Variants in ZNF320 observed in about 807,000 individuals in gnomAD.
ZNF320 encodes the protein zinc finger gene 320.
In ZNF320, 2 loss-of-function variants were observed where a neutral mutation model predicts 6.8. The ratio of observed to expected loss-of-function variants is 0.29; its 90% CI spans 0.12 to 0.93. The LOEUF (loss-of-function observed/expected upper bound fraction) is 0.93, where lower values mean the gene tolerates loss of function less well. Among genes scored for constraint, ZNF320 ranks in the 40% least tolerant of loss-of-function variants. ZNF320 has a pLI of 0.55. For synonymous variants in ZNF320, 208 were observed against 203.2 expected, an observed-to-expected ratio of 1.02 and a Z score of -0.20; for missense variants, 472 against 611.0, an observed-to-expected ratio of 0.77 and a Z score of 2.40.
chr19:52,903,426 C>T, the ZNF320 span, among the ~76,000 whole-genome samples: 10 of 149,908 alleles, frequency 6.7e-5, no homozygotes, highest in South Asian at 2.1e-4. Context: ...CTGTGGGGGG[C>T]GGGGGGAGGA....
chr19:52,863,960 G>C (rs139490555), exon 6 of ZNF320: 1 of 427,596 alleles, frequency 2.3e-6, no homozygotes, highest in East Asian at 6.8e-5. Flanking sequence ...AATCACAAAA[G>C]AGAATACAAA....
chr19:52,868,787 G>A (rs924470441), intron 5 of ZNF320, among the ~76,000 whole-genome samples: 14 of 152,152 alleles, frequency 9.2e-5, no homozygotes, highest in Admixed American at 6.5e-4. Flanking sequence ...GGACACAAGC[G>A]CTGAGCTGCG....
At chr19:52,866,642 G>A (rs1235521971) in intron 5 of ZNF320, among the ~76,000 whole-genome samples, 2 of 152,118 alleles carry the variant, frequency 1.3e-5, no homozygotes, top group African/African-American at 4.8e-5. Flanking sequence ...AGGCCAAGGA[G>A]GGAGGATCAC....
At chr19:52,871,024 G>C (rs1278263545) in intron 5 of ZNF320, among the ~76,000 whole-genome samples, 2 of 151,930 alleles carry the variant, frequency 1.3e-5, no homozygotes, top group African/African-American at 4.8e-5. Context: ...GCACATGCCT[G>C]TAATCCCAGC....
intron 5 of ZNF320, among the ~76,000 whole-genome samples, chr19:52,870,664 G>T (rs2063665025): frequency 1.3e-5 from 2 of 151,978 alleles, no homozygotes; most frequent in South Asian, 4.2e-4. Context: ...TACTCGAGGT[G>T]CTCAGGCAAA....
chr19:52,880,908 A>C lies in ZNF320; in HGVS notation c.1218T>G (p.Leu406=). The C allele has an allele frequency of 6.2e-7, 1 of 1,613,378 alleles. No homozygotes were observed. The highest frequency in any genetic ancestry group is 8.5e-7 in the Non-Finnish European group (1 of 1,179,448). The change falls in exon 6 of 6, where the codon CTT becomes CTG. Residue 406 remains leucine, a synonymous_variant. Transcript: ENST00000682928. ...TKAYLACHQK[L]HTGEKLYECE... is the part of the protein sequence containing the mutation. ...ATTCGTAAAGTTTCTCTCCAGTATG[A>C]AGTTTTTGATGACATGCGAGGTACG... is the stretch of plus-strand genomic sequence containing the variant.
At chr19:52,864,993 A>G (rs951798465) in intron 5 of ZNF320, among the ~76,000 whole-genome samples, 1 of 151,896 alleles carries the variant, frequency 6.6e-6, no homozygotes, top group Non-Finnish European at 1.5e-5. Context: ...AGCCTGGGTG[A>G]TAGAGCGAGA....
At chr19:52,874,541 A>C (rs1220978651), downstream of ZNF320, among the ~76,000 whole-genome samples, 1 of 152,216 alleles carries the variant, frequency 6.6e-6, no homozygotes, top group Non-Finnish European at 1.5e-5. Flanking sequence ...ATGTATTTGC[A>C]AAATGCCTGA....
chr19:52,880,924 G>A lies in ZNF320; in HGVS notation c.1202C>T (p.Ala401Val), dbSNP rs748325945. The stretch of plus-strand genomic sequence containing the variant: ...TCCAGTATGAAGTTTTTGATGACAT[G>A]CGAGGTACGCTTTTGTACTAAAAAC... ...GKVFSTKAYLACHQKLHTGEK... is the reference protein window; with the variant it reads ...GKVFSTKAYLVCHQKLHTGEK... Residue 401 changes from alanine to valine, a missense_variant, in exon 6 of 6, where the codon GCA (alanine) becomes GTA (valine). Around this residue, in one of 2 missense-constraint regions of ZNF320, gnomAD observed 462 missense variants for 559.7 expected, o/e 0.83. Coordinates refer to ENST00000682928, the MANE Select transcript of ZNF320 (RefSeq NM_001351774.2). 1.9e-6 allele frequency: 3 copies of A among 1,613,376 alleles called. No individual in the cohort carries two copies. Among genetic ancestry groups the A allele is most frequent in the African/African-American group, 1.3e-5 (1 of 74,962 alleles).
chr19:52,866,021 C>CAT (rs1474847907), intron 5 of ZNF320, among the ~76,000 whole-genome samples: 4 of 106,518 alleles, frequency 3.8e-5, no homozygotes, highest in African/African-American at 7.8e-5. Context: ...ATATATTATA[C>CAT]ATATTTATAT....
At position 52,893,732 on chromosome 19, in the gene ZNF320, G is replaced by T. The variant is rs539442983; in HGVS notation, c.-192+47C>A. 4 of 152,264 alleles carry T rather than the reference G, an allele frequency of 2.6e-5. No individual in the cohort carries two copies. The East Asian group carries it at 7.7e-4, about 29-fold the overall frequency. 9.4% of individuals were successfully genotyped at this position (152,264 alleles called of 1,614,324 possible). A position where few individuals can be genotyped will look rare whatever the true frequency, so the allele number is the denominator to read the frequency against. ...ACACACTTAAATTAACTTGCGTTCA[G>T]AAGGTATAAGCAAAAACCTGGAGAG... On this transcript the variant is annotated intron_variant, in intron 2 of 5. Coordinates refer to ENST00000682928, the MANE Select transcript of ZNF320 (RefSeq NM_001351774.2).
intron 1 of ZNF320, among the ~76,000 whole-genome samples, chr19:52,894,455 A>C (rs1353427426): frequency 6.6e-6 from 1 of 152,140 alleles, no homozygotes; most frequent in Admixed American, 6.5e-5. Flanking sequence ...AGCAAAAGGA[A>C]TGTCTCTCTC....
intron 5 of ZNF320, among the ~76,000 whole-genome samples, chr19:52,884,263 C>T (rs560737149): frequency 2.0e-5 from 3 of 152,236 alleles, no homozygotes; most frequent in African/African-American, 4.8e-5. Flanking sequence ...TTCTTCAGAT[C>T]GAGTCACGCT....
upstream of ZNF320, among the ~76,000 whole-genome samples, chr19:52,897,907 A>G (rs1054679200): frequency 3.3e-5 from 5 of 152,150 alleles, no homozygotes; most frequent in Non-Finnish European, 7.4e-5. Flanking sequence ...GCTTTCCTCC[A>G]TCTCGCTCTC....
chr19:52,865,508 ATTTATATATT>A, intron 5 of ZNF320: 4 of 137,702 alleles, frequency 2.9e-5, no homozygotes, highest in African/African-American at 1.1e-4. Flanking sequence ...ATACATATAT[ATTTATATATT>A]ATACATATAT....
At chr19:52,869,870 C>T (rs1287973884) in intron 5 of ZNF320, among the ~76,000 whole-genome samples, 1 of 152,050 alleles carries the variant, frequency 6.6e-6, no homozygotes, top group Non-Finnish European at 1.5e-5. Flanking sequence ...CACCCGCCAC[C>T]ACATCTGGCT....
At chr19:52,898,632 C>A (rs1375702446), upstream of ZNF320, among the ~76,000 whole-genome samples, 1 of 152,154 alleles carries the variant, frequency 6.6e-6, no homozygotes, top group African/African-American at 2.4e-5. Flanking sequence ...ATCCGAGCTC[C>A]CTGAATGCAC....
At chr19:52,901,914 A>T (rs1159770889), upstream of ZNF320, among the ~76,000 whole-genome samples, 2 of 147,854 alleles carry the variant, frequency 1.4e-5, no homozygotes, top group African/African-American at 2.5e-5. Flanking sequence ...TTCAACTGCC[A>T]TTTTTTTTTT....
rs1026728860 is a variant in ZNF320 at position 52,879,799 on chromosome 19, A to C, written c.*797T>G. 1 of 152,258 alleles carries C rather than the reference A, an allele frequency of 6.6e-6. No individual in the cohort carries two copies. Among genetic ancestry groups the C allele is most frequent in the Admixed American group, 6.5e-5 (1 of 15,286 alleles). The allele number at this position is 152,258 out of a possible 1,614,324, so 9.4% of individuals were successfully genotyped here. Reference sequence around the variant, plus strand: ...AGTTGAATTTCCATACATTAACAATAAACAATTTAAAAAGAAAATTAAAAA... The same window carrying C: ...AGTTGAATTTCCATACATTAACAATCAACAATTTAAAAAGAAAATTAAAAA... On this transcript the variant is annotated 3_prime_UTR_variant, in exon 6 of 6. Coordinates refer to ENST00000682928, the MANE Select transcript of ZNF320 (RefSeq NM_001351774.2).
Sources: allele counts gnomAD v4.1 joint callset (sites outside exome capture counted in the v4.1 genomes callset), GRCh38; gene constraint gnomAD v4.1.1; regional missense constraint gnomAD v4.1.1; transcripts MANE v1.5; gene names NCBI Gene and HGNC (gene_info 2026-07-23, HGNC 2026-07-21).